PTPRT: variants seen among roughly 807,000 people sequenced by gnomAD.
The protein encoded by PTPRT is receptor-type tyrosine-protein phosphatase T.
Under a neutral mutation model 176.8 loss-of-function variants are expected in PTPRT, and 56 were observed. That is an observed-to-expected ratio of 0.32 (90% CI 0.26 to 0.40). The LOEUF (loss-of-function observed/expected upper bound fraction) is 0.40, where lower values mean the gene tolerates loss of function less well. Ranked by LOEUF, PTPRT falls within the 10% of genes least tolerant of loss-of-function variation. The pLI is 1.00. For missense variants in PTPRT, 1,540 were observed against 1,908.2 expected (o/e 0.81, Z 3.60); for synonymous variants, 783 against 739.0 (o/e 1.06, Z -0.96).
intron 17 of PTPRT, among the ~76,000 whole-genome samples, chr20:42,146,864 T>C (rs1280619666): frequency 2.0e-5 from 3 of 152,230 alleles, no homozygotes; most frequent in Non-Finnish European, 2.9e-5. Context: ...CTACCAGTTA[T>C]AAGGTGTTTA....
intron 7 of PTPRT, among the ~76,000 whole-genome samples, chr20:42,634,046 TATATATTATA>T (rs2074524719): frequency 3.3e-4 from 12 of 36,008 alleles, no homozygotes; most frequent in Non-Finnish European, 4.7e-4. Flanking sequence ...ATATATTATA[TATATATTATA>T]AATATATAAT....
intron 1 of PTPRT, among the ~76,000 whole-genome samples, chr20:42,932,444 A>G (rs887861353): frequency 6.6e-6 from 1 of 152,220 alleles, no homozygotes; most frequent in African/African-American, 2.4e-5. Context: ...GCAGCCCAGA[A>G]GAAGAGCTCC....
chr20:42,596,756 T>C (rs984128912), intron 7 of PTPRT, among the ~76,000 whole-genome samples: 2 of 152,216 alleles, frequency 1.3e-5, no homozygotes, highest in Non-Finnish European at 2.9e-5. Context: ...TTACTTCTAA[T>C]TGAGGGCCAC....
intron 11 of PTPRT, among the ~76,000 whole-genome samples, chr20:42,327,529 T>C (rs1255166450): frequency 6.6e-6 from 1 of 152,076 alleles, no homozygotes; most frequent in Non-Finnish European, 1.5e-5. Flanking sequence ...AGATACAAAC[T>C]AAAGGTTTTG....
chr20:42,899,757 T>A (rs1400411565), intron 1 of PTPRT, among the ~76,000 whole-genome samples: 1 of 152,150 alleles, frequency 6.6e-6, no homozygotes, highest in Non-Finnish European at 1.5e-5. Flanking sequence ...AATGAATGAA[T>A]GAAATAGAAT....
rs2056430772 is a variant in PTPRT at position 42,245,377 on chromosome 20, A to G, written c.2312+3310T>C. 2.6e-5 allele frequency among the ~76,000 whole-genome samples: 4 copies of G among 152,226 alleles called. No individual in the cohort carries two copies. In the South Asian group the frequency reaches 8.3e-4, roughly 31 times the overall value. ...CCAAAGGTAATGCAAAAAGAATTCT[A>G]AACTTTAACTTGCTTCTCTTTCAAA... On this transcript the variant is annotated intron_variant, in intron 14 of 30. Transcript: ENST00000373187.
chr20:42,434,917 A>T (rs1194860114), intron 9 of PTPRT, among the ~76,000 whole-genome samples: 1 of 152,146 alleles, frequency 6.6e-6, no homozygotes, highest in African/African-American at 2.4e-5. Context: ...GTAAGTTGAG[A>T]TTGCATCACT....
chr20:42,806,482 C>CAA (rs11475047), intron 2 of PTPRT, among the ~76,000 whole-genome samples: 24 of 115,092 alleles, frequency 2.1e-4, no homozygotes, highest in African/African-American at 3.0e-4. Context: ...GACTCTGTCT[C>CAA]AAAAAAAAAA....
chr20:43,129,169 G>T (rs184002725), intron 1 of PTPRT, among the ~76,000 whole-genome samples: 3 of 152,154 alleles, frequency 2.0e-5, no homozygotes, highest in East Asian at 1.9e-4. Context: ...GCCCAAGGGG[G>T]TGTAGGGGGC....
chr20:43,086,827 A>C (rs1454092473), intron 1 of PTPRT, among the ~76,000 whole-genome samples: 1 of 152,202 alleles, frequency 6.6e-6, no homozygotes, highest in East Asian at 1.9e-4. Flanking sequence ...CTCTTCTAAT[A>C]GTAAATGTAG....
At chr20:42,683,709 G>A (rs1212845348) in intron 6 of PTPRT, among the ~76,000 whole-genome samples, 3 of 152,178 alleles carry the variant, frequency 2.0e-5, no homozygotes, top group East Asian at 1.9e-4. Flanking sequence ...CGATTTATGC[G>A]CAACACTGTT....
rs142054056 is a variant in PTPRT at position 42,343,229 on chromosome 20, A to C, written c.1865+7399T>G. Reference sequence around the variant, plus strand: ...TTCCTAACTCCCCCATTCAGTTCCCAGACCACCTTTGCCACCATTCGCCTT... The same window carrying C: ...TTCCTAACTCCCCCATTCAGTTCCCCGACCACCTTTGCCACCATTCGCCTT... On this transcript the variant is annotated intron_variant, in intron 11 of 30. Transcript: ENST00000373187. 9.2e-5 allele frequency among the ~76,000 whole-genome samples: 14 copies of C among 152,256 alleles called. No homozygotes were observed. In the East Asian group the frequency reaches 2.7e-3, roughly 30 times the overall value.
At position 43,019,888 on chromosome 20, in the gene PTPRT, C is replaced by T. The variant is rs1985576031; in HGVS notation, c.89-133956G>A. 2.6e-5 allele frequency among the ~76,000 whole-genome samples: 4 copies of T among 152,046 alleles called. No individual in the cohort carries two copies. In the South Asian group the frequency reaches 8.3e-4, roughly 32 times the overall value. On this transcript the variant is annotated intron_variant, in intron 1 of 30. Coordinates refer to ENST00000373187, the MANE Select transcript of PTPRT (RefSeq NM_007050.6). Reference sequence around the variant, plus strand: ...CTAGCCTTTGGACTCTAGGATCACTCCAGCAACCCTCTGGGCTCTCAAAAC... The same window carrying T: ...CTAGCCTTTGGACTCTAGGATCACTTCAGCAACCCTCTGGGCTCTCAAAAC...
chr20:42,475,671 C>A (rs2071276394), intron 7 of PTPRT, among the ~76,000 whole-genome samples: 1 of 152,162 alleles, frequency 6.6e-6, no homozygotes, highest in Non-Finnish European at 1.5e-5. Context: ...GAGCCTAGGA[C>A]CTGCGGGAGA....
intron 7 of PTPRT, among the ~76,000 whole-genome samples, chr20:42,524,576 T>G (rs551581095): frequency 6.6e-6 from 1 of 152,300 alleles, no homozygotes; most frequent in South Asian, 2.1e-4. Context: ...TGCTATGAAA[T>G]TTCCTGTAAT....
At chr20:42,855,312 T>A (rs1600479162) in intron 2 of PTPRT, among the ~76,000 whole-genome samples, 1 of 151,906 alleles carries the variant, frequency 6.6e-6, no homozygotes, top group Non-Finnish European at 1.5e-5. Context: ...ACAAAATGAA[T>A]TAAAATGAAC....
At chr20:42,204,987 T>A (rs1046009734) in intron 15 of PTPRT, among the ~76,000 whole-genome samples, 4 of 142,036 alleles carry the variant, frequency 2.8e-5, no homozygotes, top group South Asian at 2.3e-4. Context: ...TTTTTTTTTT[T>A]ATTATACTTT....
intron 1 of PTPRT, among the ~76,000 whole-genome samples, chr20:42,897,865 T>C (rs1427226864): frequency 3.3e-5 from 5 of 152,200 alleles, no homozygotes; most frequent in African/African-American, 1.2e-4. Context: ...TTGTAAACAC[T>C]TGGAATAGTA....
chr20:42,933,295 A>T (rs187357598), intron 1 of PTPRT, among the ~76,000 whole-genome samples: 56 of 152,292 alleles, frequency 3.7e-4, no homozygotes, highest in African/African-American at 1.3e-3. Context: ...GCCTGCTCAG[A>T]AAGGCCTTTA....
Sources: allele counts gnomAD v4.1 joint callset (sites outside exome capture counted in the v4.1 genomes callset), GRCh38; gene constraint gnomAD v4.1.1; transcripts MANE v1.5; gene names NCBI Gene and HGNC (gene_info 2026-07-23, HGNC 2026-07-21).